Variants in PPM1L observed in about 807,000 individuals in gnomAD.
PPM1L encodes the protein protein phosphatase, Mg2+/Mn2+ dependent 1L.
In PPM1L, 13 loss-of-function variants were observed where a neutral mutation model predicts 31.4. The ratio of observed to expected loss-of-function variants is 0.41; its 90% confidence interval spans 0.27 to 0.66. PPM1L has a LOEUF of 0.66. Among genes scored for constraint, PPM1L ranks in the 30% least tolerant of loss-of-function variants. PPM1L has a pLI of 0.29. For synonymous variants in PPM1L, 184 were observed against 175.4 expected, an observed-to-expected ratio of 1.05 and a Z score of -0.39; for missense variants, 326 against 453.7, an observed-to-expected ratio of 0.72 and a Z score of 2.56.
intron 1 of PPM1L, among the ~76,000 whole-genome samples, chr3:160,788,433 C>G (rs955471774): frequency 6.6e-6 from 1 of 151,924 alleles, no homozygotes; most frequent in African/African-American, 2.4e-5. Flanking sequence ...GCCCATTTTC[C>G]TATTGCATTG....
intron 1 of PPM1L, among the ~76,000 whole-genome samples, chr3:160,961,282 A>G (rs907629413): frequency 6.6e-6 from 1 of 152,162 alleles, no homozygotes; most frequent in Admixed American, 6.5e-5. Context: ...ACTTTACAAG[A>G]GTTCTTATGT....
At chr3:161,031,502 C>CTTTTTTTTTTTTTTTTTTTTTTTTTTTT (rs760907219) in intron 2 of PPM1L, among the ~76,000 whole-genome samples, 2 of 101,686 alleles carry the variant, frequency 2.0e-5, no homozygotes, top group African/African-American at 4.4e-5. Flanking sequence ...GTATTCTGTC[C>CTTTTTTTTTTTTTTTTTTTTTTTTTTTT]TTTTTTTTTT....
chr3:160,816,800 C>T (rs373440858), intron 1 of PPM1L, among the ~76,000 whole-genome samples: 1 of 152,052 alleles, frequency 6.6e-6, no homozygotes, highest in East Asian at 1.9e-4. Flanking sequence ...ACTTGTTTGG[C>T]CTCACTTCTA....
intron 1 of PPM1L, among the ~76,000 whole-genome samples, chr3:160,929,484 G>C (rs1312407682): frequency 6.6e-6 from 1 of 152,170 alleles, no homozygotes; most frequent in Non-Finnish European, 1.5e-5. Flanking sequence ...GGAAGGAAAA[G>C]AGGGAGAGGA....
In PPM1L at chr3:160,902,708, G is replaced by A. The variant is rs542630911; in HGVS notation, c.400-59028G>A. 2.0e-5 allele frequency among the ~76,000 whole-genome samples: 3 copies of A among 152,168 alleles called. No homozygotes were observed. The East Asian group carries it at 5.8e-4, about 29-fold the overall frequency. ...ATTCAAACTGTTTTTTTGAAAAACA[G>A]TCTTATTAATTTTCTGTATATTTTG... On this transcript the variant is annotated intron_variant, in intron 1 of 3. Coordinates refer to ENST00000498165, the MANE Select transcript of PPM1L (RefSeq NM_139245.4).
intron 1 of PPM1L, among the ~76,000 whole-genome samples, chr3:160,826,077 G>A (rs1330068906): frequency 2.0e-5 from 3 of 152,092 alleles, no homozygotes; most frequent in East Asian, 1.9e-4. Flanking sequence ...TGTGCTGCAA[G>A]GGGATGCTAG....
intron 1 of PPM1L, among the ~76,000 whole-genome samples, chr3:160,902,951 C>T (rs763470200): frequency 7.2e-5 from 11 of 152,068 alleles, no homozygotes; most frequent in Non-Finnish European, 1.3e-4. Flanking sequence ...AAAGAAAGGG[C>T]ACAGATTCTG....
At chr3:160,894,081 CTT>C (rs1395508348) in intron 1 of PPM1L, among the ~76,000 whole-genome samples, 2 of 152,086 alleles carry the variant, frequency 1.3e-5, no homozygotes, top group East Asian at 1.9e-4. Flanking sequence ...ACATTTTTGA[CTT>C]ATGATATTTT....
At chr3:160,758,300 C>G (rs1035077248) in intron 1 of PPM1L, among the ~76,000 whole-genome samples, 30 of 152,266 alleles carry the variant, frequency 2.0e-4, no homozygotes, top group African/African-American at 7.2e-4. Context: ...GCTGATTTGT[C>G]TTCTTGGCTT....
chr3:160,809,478 G>A (rs1228831538), intron 1 of PPM1L, among the ~76,000 whole-genome samples: 1 of 152,104 alleles, frequency 6.6e-6, no homozygotes, highest in Non-Finnish European at 1.5e-5. Flanking sequence ...CAACCCCTCC[G>A]TTGTGGGAGT....
At position 160,835,033 on chromosome 3, in the gene PPM1L, A is replaced by ACTT. The variant is rs1472836807; in HGVS notation, c.399+78328_399+78329insTCT. Among the ~76,000 whole-genome samples the ACTT allele has an allele frequency of 7.5e-4, 65 of 86,306 alleles. 1 individual carries two copies. Among genetic ancestry groups the ACTT allele is most frequent in the African/African-American group, 4.3e-3 (62 of 14,362 alleles). 56.6% of individuals were successfully genotyped at this position (86,306 alleles called of 152,430 possible). On this transcript the variant is annotated intron_variant, in intron 1 of 3. Transcript: ENST00000498165. The stretch of plus-strand genomic sequence containing the variant: ...TATTACTACTACTACTACTATTACT[A>ACTT]CTACTACTTCTTCTTCTTCTTCTTC...
In PPM1L at chr3:161,007,179, C is replaced by T. The variant is rs556291110; in HGVS notation, c.574+45269C>T. Among the ~76,000 whole-genome samples, 16 of 152,260 alleles carry T rather than the reference C, an allele frequency of 1.1e-4. 1 individual carries two copies. The South Asian group carries it at 3.3e-3, about 32-fold the overall frequency. ...ATTCTAATGGAGGGGGCACATTAAACAACAAGTAAACATATAGTCTGTCTG... is the reference window on the plus strand; with the variant it reads ...ATTCTAATGGAGGGGGCACATTAAATAACAAGTAAACATATAGTCTGTCTG... On this transcript the variant is annotated intron_variant, in intron 2 of 3. Transcript: ENST00000498165.
intron 2 of PPM1L, among the ~76,000 whole-genome samples, chr3:160,963,632 A>G (rs1195071189): frequency 6.6e-6 from 1 of 152,032 alleles, no homozygotes; most frequent in East Asian, 1.9e-4. Context: ...TTGAAGGACA[A>G]ATGGTGGGCA....
intron 2 of PPM1L, among the ~76,000 whole-genome samples, chr3:161,016,615 C>T (rs1448313621): frequency 2.6e-5 from 4 of 152,180 alleles, no homozygotes; most frequent in South Asian, 2.1e-4. Context: ...GAACTCCTTG[C>T]CAGAAAATAT....
rs71628437 is a variant in PPM1L at position 160,970,787 on chromosome 3, A to ATTTTTTTTTTTTTT, written c.574+8886_574+8899dup. ...CAAGCTGATTTTAATTTCAGTTATA[A>ATTTTTTTTTTTTTT]TTTTTTTTTTTTTTTTTTTTTTGAG... On this transcript the variant is annotated intron_variant, in intron 2 of 3. Transcript: ENST00000498165. Among the ~76,000 whole-genome samples the ATTTTTTTTTTTTTT allele has an allele frequency of 4.3e-4, 42 of 97,174 alleles. 3 individuals are homozygous for ATTTTTTTTTTTTTT. The highest frequency in any genetic ancestry group is 1.8e-3 in the African/African-American group (41 of 22,362). The allele number at this position is 97,174 out of a possible 152,430, so 63.7% of individuals were successfully genotyped here. A position where few individuals can be genotyped will look rare whatever the true frequency, so the allele number is the denominator to read the frequency against.
At chr3:160,853,499 A>G (rs1711587591) in intron 1 of PPM1L, among the ~76,000 whole-genome samples, 1 of 152,196 alleles carries the variant, frequency 6.6e-6, no homozygotes, top group Non-Finnish European at 1.5e-5. Context: ...CATAAATTAA[A>G]GAAAAAATAG....
In PPM1L at chr3:160,870,912, T is replaced by G. The variant is rs374804568; in HGVS notation, c.400-90824T>G. On this transcript the variant is annotated intron_variant, in intron 1 of 3. Transcript: ENST00000498165. The stretch of plus-strand genomic sequence containing the variant: ...AGACGGCTGTGTGGGAAAGAGTAGT[T>G]ATTTTTAAATCTTGGTAGACAAATG... 3.0e-4 allele frequency among the ~76,000 whole-genome samples: 46 copies of G among 152,270 alleles called. 1 individual carries two copies. The East Asian group carries it at 3.9e-3, about 13-fold the overall frequency.
At chr3:160,776,191 G>A (rs1711554859) in intron 1 of PPM1L, among the ~76,000 whole-genome samples, 1 of 152,130 alleles carries the variant, frequency 6.6e-6, no homozygotes, top group South Asian at 2.1e-4. Context: ...GTACAAAATG[G>A]ACATTTTCTA....
At chr3:160,906,629 A>AAGAAAAGAAC (rs1553820142) in intron 1 of PPM1L, among the ~76,000 whole-genome samples, 9,901 of 142,004 alleles carry the variant, frequency 0.07, 831 homozygotes, top group African/African-American at 0.17. Context: ...AAGAAAAGAA[A>AAGAAAAGAAC]AGAACCCAGG....
Sources: gnomAD v4.1 joint callset for allele counts (sites outside exome capture counted in the v4.1 genomes callset) on GRCh38, gnomAD v4.1.1 for gene constraint, MANE v1.5 for transcripts, NCBI Gene and HGNC (gene_info 2026-07-23, HGNC 2026-07-21) for gene names.